Variants in GPC5 observed in about 807,000 individuals in gnomAD.
GPC5 encodes the protein glypican-5.
Under a neutral mutation model 53.9 loss-of-function variants are expected in GPC5, and 47 were observed. That is an observed-to-expected ratio of 0.87 (90% CI 0.69 to 1.11). The LOEUF is 1.11. Ranked by LOEUF, GPC5 falls within the 50% of genes most tolerant of loss-of-function variation. The pLI is 0.00. For synonymous variants in GPC5, 286 were observed against 263.3 expected, an observed-to-expected ratio of 1.09 and a Z score of -0.84; for missense variants, 748 against 713.1, an observed-to-expected ratio of 1.05 and a Z score of -0.56.
chr13:91,448,716 G>A (rs1370275204), intron 1 of GPC5, 45 bp from the exon 2 acceptor site: 6 of 1,593,036 alleles, frequency 3.8e-6, no homozygotes, highest in Non-Finnish European at 4.3e-6. Context: ...TGTAATACTT[G>A]TTAAATGAAC....
At chr13:91,498,872 G>A (rs1471650720) in intron 2 of GPC5, among the ~76,000 whole-genome samples, 1 of 152,084 alleles carries the variant, frequency 6.6e-6, no homozygotes, top group Non-Finnish European at 1.5e-5. Context: ...TCAGGAGGCT[G>A]AGGCAGGAGA....
At chr13:92,184,162 T>C (rs1372572364) in intron 7 of GPC5, among the ~76,000 whole-genome samples, 2 of 152,126 alleles carry the variant, frequency 1.3e-5, no homozygotes, top group South Asian at 4.1e-4. Context: ...CTTTTTTCTT[T>C]TGAGGAGGCT....
intron 7 of GPC5, among the ~76,000 whole-genome samples, chr13:92,202,716 T>C (rs1226527452): frequency 2.0e-5 from 3 of 152,166 alleles, no homozygotes; most frequent in African/African-American, 4.8e-5. Context: ...GTTCTTAGGG[T>C]CTGAGAACCT....
rs56052352 is a variant in GPC5 at position 92,586,966 on chromosome 13, GCA to G, written c.1562-279304_1562-279303del. ...CTTGCATACACACACACACACACGC[GCA>G]CACACACACACGCACACACACTACA... On this transcript the variant is annotated intron_variant, in intron 7 of 7. Coordinates refer to ENST00000377067, the MANE Select transcript of GPC5 (RefSeq NM_004466.6). Among the ~76,000 whole-genome samples the G allele has an allele frequency of 7.3e-5, 11 of 150,784 alleles. No homozygotes were observed. The South Asian group carries it at 1.0e-3, about 14-fold the overall frequency.
chr13:92,086,708 G>C (rs2041338480), intron 6 of GPC5, among the ~76,000 whole-genome samples: 2 of 151,456 alleles, frequency 1.3e-5, no homozygotes, highest in Non-Finnish European at 2.9e-5. Context: ...CCCTAGGCTG[G>C]AGTGCAGTGG....
At chr13:92,166,300 C>T (rs1320902563) in intron 7 of GPC5, among the ~76,000 whole-genome samples, 1 of 152,136 alleles carries the variant, frequency 6.6e-6, no homozygotes, top group East Asian at 1.9e-4. Flanking sequence ...AACAAGACCT[C>T]TAATTGCAGT....
chr13:91,721,577 T>C (rs1033575572), intron 3 of GPC5, among the ~76,000 whole-genome samples: 2 of 152,182 alleles, frequency 1.3e-5, no homozygotes, highest in Non-Finnish European at 2.9e-5. Context: ...GAACACAAAT[T>C]TAGCCCTTGG....
intron 2 of GPC5, among the ~76,000 whole-genome samples, chr13:91,644,586 ATATC>A (rs1171906834): frequency 6.6e-6 from 1 of 151,906 alleles, no homozygotes; most frequent in African/African-American, 2.4e-5. Flanking sequence ...TTACTAATCA[ATATC>A]TATATTTTTC....
intron 7 of GPC5, among the ~76,000 whole-genome samples, chr13:92,411,236 C>T (rs1002659406): frequency 9.2e-5 from 14 of 152,132 alleles, no homozygotes; most frequent in African/African-American, 2.9e-4. Flanking sequence ...CGCCACTGCA[C>T]TCCAGCCTGG....
chr13:92,314,640 A>G, intron 7 of GPC5, among the ~76,000 whole-genome samples: 1 of 151,612 alleles, frequency 6.6e-6, no homozygotes, highest in Non-Finnish European at 1.5e-5. Context: ...ATGTGAAAAG[A>G]AATAACGCTA....
intron 3 of GPC5, among the ~76,000 whole-genome samples, chr13:91,701,912 A>G (rs1005574121): frequency 1.3e-5 from 2 of 152,154 alleles, no homozygotes; most frequent in Admixed American, 6.5e-5. Flanking sequence ...CATTCCTGCC[A>G]ATAGCATACA....
intron 7 of GPC5, among the ~76,000 whole-genome samples, chr13:92,656,338 TGTTTAAGTG>T (rs1886135704): frequency 6.6e-6 from 1 of 152,186 alleles, no homozygotes; most frequent in Non-Finnish European, 1.5e-5. Context: ...ATTAAAAGGA[TGTTTAAGTG>T]GTTAATCAGC....
In GPC5 at chr13:92,752,067, A is replaced by G. The variant is rs546153528; in HGVS notation, c.1562-114215A>G. ...TAAATAAAGAGGAATGAGAACCTTG[A>G]AAAAAAAAAAAAGCAAGAACTCTAG... On this transcript the variant is annotated intron_variant, in intron 7 of 7. Transcript: ENST00000377067. Among the ~76,000 whole-genome samples the G allele has an allele frequency of 1.1e-4, 16 of 143,100 alleles. No homozygotes were observed. The East Asian group carries it at 2.4e-3, about 22-fold the overall frequency. 93.9% of individuals were successfully genotyped at this position (143,100 alleles called of 152,430 possible).
At chr13:91,986,986 A>G (rs958362979) in intron 6 of GPC5, among the ~76,000 whole-genome samples, 2 of 152,210 alleles carry the variant, frequency 1.3e-5, no homozygotes, top group African/African-American at 4.8e-5. Flanking sequence ...TATATCAGGG[A>G]TTAATTGTCA....
intron 7 of GPC5, among the ~76,000 whole-genome samples, chr13:92,862,626 CAGATAGATAGATAGATAGATAGAT>C (rs369002690): frequency 1.5e-5 from 2 of 129,656 alleles, no homozygotes; most frequent in African/African-American, 5.3e-5. Flanking sequence ...GATAGATAGA[CAGATAGATAGATAGATAGATAGAT>C]AGATAGATAG....
At chr13:92,855,016 G>T (rs550631741) in intron 7 of GPC5, among the ~76,000 whole-genome samples, 1 of 151,926 alleles carries the variant, frequency 6.6e-6, no homozygotes, top group South Asian at 2.1e-4. Flanking sequence ...TGTGGTTTCA[G>T]GTCTAACATT....
At position 91,587,966 on chromosome 13, in the gene GPC5, G is replaced by A. The variant is rs117300692; in HGVS notation, c.326-105221G>A. On this transcript the variant is annotated intron_variant, in intron 2 of 7. Coordinates refer to ENST00000377067, the MANE Select transcript of GPC5 (RefSeq NM_004466.6). ...AGATTTCTGACTCAGTACTCATAAT[G>A]TGGAACCTTGCAGTAAGAAATGATG... Among the ~76,000 whole-genome samples the A allele has an allele frequency of 1.2e-4, 18 of 152,252 alleles. No individual in the cohort carries two copies. The East Asian group carries it at 3.5e-3, about 29-fold the overall frequency.
intron 2 of GPC5, among the ~76,000 whole-genome samples, chr13:91,679,704 T>C (rs1250833555): frequency 6.6e-6 from 1 of 152,198 alleles, no homozygotes; most frequent in African/African-American, 2.4e-5. Flanking sequence ...CTCCACAAAT[T>C]CACATTTTTA....
intron 6 of GPC5, among the ~76,000 whole-genome samples, chr13:92,087,436 A>G (rs147344602): frequency 0.01 from 1,540 of 152,302 alleles, 28 homozygotes; most frequent in African/African-American, 0.036. Context: ...TAAGTGGATT[A>G]GTTACCCTCC....
Sources: gnomAD v4.1 joint callset for allele counts (sites outside exome capture counted in the v4.1 genomes callset) on GRCh38, gnomAD v4.1.1 for gene constraint, MANE v1.5 for transcripts, NCBI Gene and HGNC (gene_info 2026-07-23, HGNC 2026-07-21) for gene names.